Variants in PDE2A observed in about 807,000 individuals in gnomAD.
PDE2A encodes the protein cGMP-dependent 3',5'-cyclic phosphodiesterase.
A neutral mutation model predicts 133.6 loss-of-function variants in PDE2A; 53 were observed. The ratio of observed to expected loss-of-function variants is 0.40; its 90% CI spans 0.32 to 0.50. The LOEUF is 0.50. Ranked by LOEUF, PDE2A falls within the 20% of genes least tolerant of loss-of-function variation. The pLI is 0.73. For synonymous variants in PDE2A, 491 were observed against 490.2 expected, an observed-to-expected ratio of 1.00 and a Z score of -0.02; for missense variants, 796 against 1,232.4, an observed-to-expected ratio of 0.65 and a Z score of 5.30.
intron 12 of PDE2A, 83 bp from the exon 13 acceptor site, chr11:72,588,997 G>A: frequency 1.4e-6 from 2 of 1,470,478 alleles, no homozygotes. Context: ...TTTTGCAACA[G>A]GCAGTTCTAA....
chr11:72,635,166 G>A (rs1414529988), intron 2 of PDE2A, among the ~76,000 whole-genome samples: 1 of 152,214 alleles, frequency 6.6e-6, no homozygotes, highest in Non-Finnish European at 1.5e-5. Flanking sequence ...AGCTTTGGGA[G>A]TGGAAGCTCT....
intron 1 of PDE2A, chr11:72,649,171 C>G (rs1243220444): frequency 1.3e-5 from 2 of 152,314 alleles, no homozygotes; most frequent in Non-Finnish European, 2.9e-5. Flanking sequence ...CTCACCAATA[C>G]TTCTCATCAC....
chr11:72,597,546 C>T lies in PDE2A; in HGVS notation c.397G>A (p.Ala133Thr), dbSNP rs1284008263. The T allele has an allele frequency of 6.2e-7, 1 of 1,610,978 alleles. No homozygotes were observed. The highest frequency in any genetic ancestry group is 1.7e-4 in the Middle Eastern group (1 of 6,012). Residue 133 changes from alanine (A) to threonine (T), a missense_variant, in exon 5 of 31, where the codon GCC (alanine) becomes ACC (threonine). Physicochemically the swap from Ala to Thr is moderately conservative, Grantham distance 58 (BLOSUM62 0). Transcript: ENST00000334456. The surrounding 1 kb of genome is among the most constrained non-coding windows in gnomAD (Gnocchi z 4.6). Reference protein sequence around the residue: ...GFSDLPGKPLARLVAPLAPDT... With the variant: ...GFSDLPGKPLTRLVAPLAPDT... ...GGAGCCAGTGGAGCCACCAGCCTGGCCAAGGGCTTCCCTGGCAGGTCTGAG... is the reference window on the plus strand; with the variant it reads ...GGAGCCAGTGGAGCCACCAGCCTGGTCAAGGGCTTCCCTGGCAGGTCTGAG...
At chr11:72,622,923 A>G (rs1857853973) in intron 2 of PDE2A, among the ~76,000 whole-genome samples, 1 of 152,208 alleles carries the variant, frequency 6.6e-6, no homozygotes, top group African/African-American at 2.4e-5. Context: ...GCAAGAGAGG[A>G]AGAAATGAGG....
Position 72,597,617 on chromosome 11 carries a change from T to A in PDE2A, c.326A>T (p.Glu109Val). 4 of 1,609,098 alleles carry A rather than the reference T, an allele frequency of 2.5e-6. No individual in the cohort carries two copies. The highest frequency in any genetic ancestry group is 3.4e-6 in the Non-Finnish European group (4 of 1,176,566). Residue 109 changes from glutamate (E) to valine (V), a missense_variant and splice_region_variant, in exon 5 of 31, where the codon GAG becomes GTG. Physicochemically the swap from Glu to Val is moderately radical, Grantham distance 121. Transcript: ENST00000334456. The surrounding 1 kb of genome is among the most constrained non-coding windows in gnomAD (Gnocchi z 4.6). ...HELPQEGKVR[E>V]AIISQKRLGC... is the part of the protein sequence containing the mutation. ...CAGCCGCTTCTGGGAGATGATAGCC[T>A]CCCTGAAAAGAGGACATGATGCCAC...
chr11:72,580,668 T>C (rs1855684806), intron 24 of PDE2A, 44 bp from the exon 25 acceptor site: 2 of 1,460,678 alleles, frequency 1.4e-6, no homozygotes, highest in African/African-American at 1.4e-5. Context: ...CACATCCGGA[T>C]CCAAGTGCCA....
chr11:72,610,493 C>A (rs1857156538), intron 2 of PDE2A, among the ~76,000 whole-genome samples: 1 of 152,140 alleles, frequency 6.6e-6, no homozygotes, highest in African/African-American at 2.4e-5. Flanking sequence ...CTGCAGTTTC[C>A]TCCCCTTCCC....
chr11:72,666,569 AG>A (rs1233817197), intron 1 of PDE2A, among the ~76,000 whole-genome samples: 3 of 152,146 alleles, frequency 2.0e-5, no homozygotes, highest in Non-Finnish European at 4.4e-5. Context: ...GCGACCCAGG[AG>A]AAAAAGTATT....
intron 1 of PDE2A, among the ~76,000 whole-genome samples, chr11:72,646,329 T>G (rs1441729165): frequency 1.3e-5 from 2 of 152,192 alleles, no homozygotes; most frequent in Non-Finnish European, 2.9e-5. Flanking sequence ...TGGTAGGGCC[T>G]TGTGCTGGCA....
intron 1 of PDE2A, among the ~76,000 whole-genome samples, chr11:72,670,584 A>C (rs1513781): frequency 2.6e-5 from 4 of 152,066 alleles, no homozygotes; most frequent in Non-Finnish European, 5.9e-5. Flanking sequence ...CCCTTATTTG[A>C]CCATGCCTGC....
chr11:72,580,823 G>T, intron 24 of PDE2A, 63 bp downstream of exon 24: 1 of 1,108,218 alleles, frequency 9.0e-7, no homozygotes, highest in Non-Finnish European at 1.4e-6. Context: ...TTCAGGCTGG[G>T]AGAGGATGAG....
intron 22 of PDE2A, 128 bp downstream of exon 22, chr11:72,581,749 C>T: frequency 1.1e-6 from 1 of 930,322 alleles, no homozygotes; most frequent in Non-Finnish European, 1.7e-6. Context: ...TGGATCCTCC[C>T]CACCCCCATA....
Position 72,589,750 on chromosome 11 carries a change from C to T in PDE2A, c.873+1G>A. 6.2e-7 allele frequency: 1 copy of T among 1,613,804 alleles called. No individual in the cohort carries two copies. The highest frequency in any genetic ancestry group is 8.5e-7 in the Non-Finnish European group (1 of 1,179,854). ...AACGAGAAGACAGACGCGGGACTCA[C>T]GGGAAAGCTGACCTCTTCCCCGAGC... On this transcript the variant is annotated splice_donor_variant, in intron 11 of 30. Transcript: ENST00000334456. LOFTEE classifies it high-confidence loss of function.
intron 1 of PDE2A, 122 bp downstream of exon 1, chr11:72,674,015 A>G (rs950062575): frequency 3.2e-6 from 3 of 947,562 alleles, no homozygotes; most frequent in Non-Finnish European, 4.7e-6. Context: ...GCCCAGGAAC[A>G]GGATCGATCC....
At chr11:72,580,500 G>A (rs1855673950) in intron 25 of PDE2A, 77 bp downstream of exon 25, 1 of 1,068,716 alleles carries the variant, frequency 9.4e-7, no homozygotes, top group South Asian at 1.3e-5. Flanking sequence ...TTTGGGAATA[G>A]GAGGAGCTGG....
In PDE2A at chr11:72,596,627, T is replaced by C; in HGVS notation, c.455A>G (p.Asp152Gly). Reference sequence around the variant, plus strand: ...AGCTGCCACGGCCCCAGCCTCCTTGTCCGCTAGCGGCATGACCAGCACTGA... The same window carrying C: ...AGCTGCCACGGCCCCAGCCTCCTTGCCCGCTAGCGGCATGACCAGCACTGA... ...DTQVLVMPLA[D>G]KEAGAVAAVI... Residue 152 changes from aspartate (D) to glycine (G), a missense_variant, in exon 6 of 31, where the codon GAC (aspartate) becomes GGC (glycine). By Grantham distance (94) the Asp-to-Gly change is moderately conservative. Around this residue, in one of 7 missense-constraint regions of PDE2A, gnomAD observed 417 missense variants for 475.3 expected, o/e 0.88. Transcript: ENST00000334456. 6.6e-7 allele frequency: 1 copy of C among 1,516,270 alleles called. No homozygotes were observed. The highest frequency in any genetic ancestry group is 1.3e-5 in the South Asian group (1 of 76,616). The allele number at this position is 1,516,270 out of a possible 1,614,324, so 93.9% of individuals were successfully genotyped here. A position where few individuals can be genotyped will look rare whatever the true frequency, so the allele number is the denominator to read the frequency against.
At chr11:72,582,265 C>G (rs1855757409) in intron 21 of PDE2A, 179 bp downstream of exon 21, 2 of 663,916 alleles carry the variant, frequency 3.0e-6, no homozygotes, top group East Asian at 5.5e-5. Context: ...CAGCCTCTAG[C>G]CCCTGGGCAG....
chr11:72,672,809 T>G (rs900696324), intron 1 of PDE2A, among the ~76,000 whole-genome samples: 3 of 152,084 alleles, frequency 2.0e-5, no homozygotes, highest in African/African-American at 7.3e-5. Context: ...GCCTATTTCT[T>G]TTCTGCATCT....
intron 1 of PDE2A, among the ~76,000 whole-genome samples, chr11:72,653,493 A>G (rs369035915): frequency 6.6e-6 from 1 of 151,962 alleles, no homozygotes; most frequent in Non-Finnish European, 1.5e-5. Context: ...AGGGAGGGAG[A>G]GGGTGTGCCA....
Sources: gnomAD v4.1 joint callset for allele counts (sites outside exome capture counted in the v4.1 genomes callset) on GRCh38, gnomAD v4.1.1 for gene constraint, gnomAD v4.1.1 regional missense constraint, Gnocchi (gnomAD v3.1) non-coding constraint, MANE v1.5 for transcripts, NCBI Gene and HGNC (gene_info 2026-07-23, HGNC 2026-07-21) for gene names.